SOX5: variants seen among roughly 807,000 people sequenced by gnomAD.
SOX5 encodes SRY-box transcription factor 5.
SOX5 carries 9 observed loss-of-function variants against 92.0 expected under a neutral mutation model. The ratio of observed to expected loss-of-function variants is 0.10; its 90% CI spans 0.06 to 0.17. The LOEUF (loss-of-function observed/expected upper bound fraction) is 0.17, where lower values mean the gene tolerates loss of function less well. SOX5 is among the 10% of genes least tolerant of loss of function. SOX5 has a pLI of 1.00. For missense variants in SOX5, 642 were observed against 944.5 expected (o/e 0.68, Z 4.20); for synonymous variants, 344 against 336.3 (o/e 1.02, Z -0.25).
chr12:23,896,987 T>C (rs1371585420), intron 1 of SOX5, among the ~76,000 whole-genome samples: 2 of 152,158 alleles, frequency 1.3e-5, no homozygotes, highest in African/African-American at 2.4e-5. Flanking sequence ...ATATTTTAAA[T>C]AGAAAATTCC....
At chr12:23,692,329 CG>C (rs1555264926) in intron 6 of SOX5, among the ~76,000 whole-genome samples, 2 of 151,044 alleles carry the variant, frequency 1.3e-5, no homozygotes, top group Non-Finnish European at 2.9e-5. Context: ...CCCAGCTACT[CG>C]GGAGGCTGAG....
chr12:24,400,344 C>T (rs1480401707), intron 1 of SOX5, among the ~76,000 whole-genome samples: 1 of 152,088 alleles, frequency 6.6e-6, no homozygotes, highest in Non-Finnish European at 1.5e-5. Context: ...AACTGAGTGG[C>T]CTTGCCACAA....
chr12:24,255,117 T>G (rs1940920632), intron 3 of SOX5, among the ~76,000 whole-genome samples: 1 of 152,078 alleles, frequency 6.6e-6, no homozygotes, highest in Non-Finnish European at 1.5e-5. Flanking sequence ...TTTCTCCAGT[T>G]TTTTCACTAG....
chr12:24,233,118 C>A lies in SOX5; in HGVS notation c.-76-19701G>T, dbSNP rs574346118. ...GATTTCACAGCTGTTCCCTCTTATG[C>A]CTAACTTCATGATGAAAGACAAAAA... On this transcript the variant is annotated intron_variant, in intron 3 of 4. Transcript: ENST00000446891. 2.0e-5 allele frequency among the ~76,000 whole-genome samples: 3 copies of A among 151,990 alleles called. No homozygotes were observed. The East Asian group carries it at 5.8e-4, about 29-fold the overall frequency.
chr12:23,797,122 T>C (rs966404617), intron 3 of SOX5, among the ~76,000 whole-genome samples: 2 of 151,796 alleles, frequency 1.3e-5, no homozygotes, highest in African/African-American at 4.8e-5. Context: ...ATTCAAATCA[T>C]ATAACTAGAA....
At chr12:24,450,580 T>C (rs1206623558) in intron 1 of SOX5, among the ~76,000 whole-genome samples, 7 of 151,992 alleles carry the variant, frequency 4.6e-5, no homozygotes, top group Non-Finnish European at 1.0e-4. Context: ...CTGCAACTTC[T>C]GCCTCCCAGG....
chr12:24,113,603 A>G (rs1472118528), intron 4 of SOX5, among the ~76,000 whole-genome samples: 1 of 152,170 alleles, frequency 6.6e-6, no homozygotes, highest in Non-Finnish European at 1.5e-5. Context: ...CCATACTACA[A>G]TAATAAATAA....
chr12:24,394,282 C>T lies in SOX5; in HGVS notation c.-250-25643G>A, dbSNP rs7306287. On this transcript the variant is annotated intron_variant, in intron 1 of 4. Transcript: ENST00000446891. ...AATTCATCAAGAACCCTACTATAGC[C>T]GAGAGAAGCCAAGAAACAGCACAGA... 5.0e-3 allele frequency among the ~76,000 whole-genome samples: 761 copies of T among 152,184 alleles called. 8 individuals carry two copies. Among genetic ancestry groups the T allele is most frequent in the East Asian group, 0.02 (102 of 5,184 alleles).
intron 1 of SOX5, among the ~76,000 whole-genome samples, chr12:24,395,847 A>G (rs1487326095): frequency 6.6e-6 from 1 of 152,190 alleles, no homozygotes; most frequent in Non-Finnish European, 1.5e-5. Context: ...TACTGCTAGC[A>G]GTGACATCAA....
chr12:23,848,490 G>T (rs1167961820), intron 2 of SOX5, among the ~76,000 whole-genome samples: 1 of 152,122 alleles, frequency 6.6e-6, no homozygotes, highest in Non-Finnish European at 1.5e-5. Context: ...TTACATTTCA[G>T]CCTCTGGCAC....
At chr12:24,535,647 A>G (rs1184365692) in intron 1 of SOX5, among the ~76,000 whole-genome samples, 1 of 152,232 alleles carries the variant, frequency 6.6e-6, no homozygotes, top group Non-Finnish European at 1.5e-5. Flanking sequence ...TTGTATTTAC[A>G]GCTGGGTAAG....
chr12:24,399,566 A>C (rs978678559), intron 1 of SOX5, among the ~76,000 whole-genome samples: 2 of 152,248 alleles, frequency 1.3e-5, no homozygotes, highest in African/African-American at 4.8e-5. Context: ...TGTCTAAAGT[A>C]TAATGAAAAT....
chr12:24,555,002 C>A (rs1258718364), intron 1 of SOX5, among the ~76,000 whole-genome samples: 3 of 152,146 alleles, frequency 2.0e-5, no homozygotes. Flanking sequence ...GGGACAACTC[C>A]CTGAAGGGGC....
intron 1 of SOX5, among the ~76,000 whole-genome samples, chr12:24,401,708 T>TAAAAAAAAAA (rs71063321): frequency 3.7e-4 from 37 of 99,444 alleles, no homozygotes; most frequent in African/African-American, 1.5e-3. Context: ...ACCCTATCTT[T>TAAAAAAAAAA]AAAAAAAAAA....
At chr12:24,297,637 A>G (rs772683039) in intron 2 of SOX5, among the ~76,000 whole-genome samples, 8 of 152,228 alleles carry the variant, frequency 5.3e-5, no homozygotes, top group Non-Finnish European at 1.2e-4. Flanking sequence ...TGTCTTTTGT[A>G]TTCTCACTGC....
At chr12:24,505,874 C>CGCGCGTGTGTGTGTGT (rs368183832) in intron 1 of SOX5, among the ~76,000 whole-genome samples, 69 of 148,110 alleles carry the variant, frequency 4.7e-4, no homozygotes, top group Admixed American at 6.1e-4. Flanking sequence ...TGTGTGTGTG[C>CGCGCGTGTGTGTGTGT]GCATCACTGC....
At chr12:24,135,672 G>A (rs1950046862) in intron 4 of SOX5, among the ~76,000 whole-genome samples, 1 of 152,206 alleles carries the variant, frequency 6.6e-6, no homozygotes, top group Admixed American at 6.5e-5. Flanking sequence ...CACTCTGGAT[G>A]TTCAGAGGAT....
chr12:24,272,681 C>T (rs890326352), intron 3 of SOX5, among the ~76,000 whole-genome samples: 1 of 151,958 alleles, frequency 6.6e-6, no homozygotes, highest in Admixed American at 6.6e-5. Context: ...TATCAAACCT[C>T]GTATTTCTGG....
chr12:24,027,492 C>T (rs1569504816), intron 4 of SOX5, among the ~76,000 whole-genome samples: 1 of 152,114 alleles, frequency 6.6e-6, no homozygotes, highest in East Asian at 1.9e-4. Context: ...CTAGGTACTA[C>T]TTATGCATCA....
Sources: allele counts gnomAD v4.1 joint callset (sites outside exome capture counted in the v4.1 genomes callset), GRCh38; gene constraint gnomAD v4.1.1; transcripts MANE v1.5; gene names NCBI Gene and HGNC (gene_info 2026-07-23, HGNC 2026-07-21).